Variants in PNPLA7 observed in about 807,000 individuals in gnomAD.
PNPLA7 encodes the protein patatin-like phospholipase domain-containing protein 7.
Under a neutral mutation model 161.7 loss-of-function variants are expected in PNPLA7, and 153 were observed. The ratio of observed to expected loss-of-function variants is 0.95; its 90% confidence interval spans 0.83 to 1.08. PNPLA7 has a LOEUF of 1.08. Ranked by LOEUF, PNPLA7 falls within the 50% of genes least tolerant of loss-of-function variation. The pLI is 0.00. For synonymous variants in PNPLA7, 809 were observed against 782.1 expected (o/e 1.03, Z -0.57); for missense variants, 1,739 against 1,856.6 (o/e 0.94, Z 1.16).
At chr9:137,534,405 G>C (rs984458282) in intron 8 of PNPLA7, among the ~76,000 whole-genome samples, 2 of 146,218 alleles carry the variant, frequency 1.4e-5, no homozygotes, top group African/African-American at 5.1e-5. Context: ...CCCCAACAGT[G>C]TCCACTCCAG....
At chr9:137,461,711 C>A (rs969090115) in intron 32 of PNPLA7, 91 bp from the exon 33 acceptor site, 1 of 1,368,448 alleles carries the variant, frequency 7.3e-7, no homozygotes, top group Admixed American at 2.1e-5. Flanking sequence ...ACCCACCCTG[C>A]GCCCTCTCTG....
At chr9:137,503,380 C>A (rs1178982639) in intron 14 of PNPLA7, among the ~76,000 whole-genome samples, 1 of 146,528 alleles carries the variant, frequency 6.8e-6, no homozygotes, top group African/African-American at 2.5e-5. Context: ...GACACTGTTT[C>A]CAAAAAAGAA....
At chr9:137,525,587 G>T (rs988653554) in intron 8 of PNPLA7, among the ~76,000 whole-genome samples, 1 of 152,066 alleles carries the variant, frequency 6.6e-6, no homozygotes, top group African/African-American at 2.4e-5. Context: ...TGTATTTCTC[G>T]GAGAGATCAA....
chr9:137,501,015 TCAGCTCTGGG>T, intron 15 of PNPLA7, 119 bp from the exon 16 acceptor site: 2 of 825,974 alleles, frequency 2.4e-6, no homozygotes, highest in Non-Finnish European at 3.7e-6. Context: ...GCCGACCTGA[TCAGCTCTGGG>T]CATGGACTTC....
intron 4 of PNPLA7, among the ~76,000 whole-genome samples, 153 bp downstream of exon 4, chr9:137,546,677 C>T (rs1268459584): frequency 2.0e-5 from 3 of 152,214 alleles, no homozygotes; most frequent in South Asian, 2.1e-4. Flanking sequence ...TTCCCCCAAA[C>T]CCTGAGCCTG....
At chr9:137,516,823 T>C (rs1325662799) in intron 11 of PNPLA7, among the ~76,000 whole-genome samples, 1 of 150,196 alleles carries the variant, frequency 6.7e-6, no homozygotes, top group East Asian at 1.9e-4. Flanking sequence ...GTCTCAATAG[T>C]AATAATAATA....
intron 14 of PNPLA7, 103 bp from the exon 15 acceptor site, chr9:137,501,830 C>G: frequency 6.5e-6 from 8 of 1,222,652 alleles, no homozygotes; most frequent in Non-Finnish European, 9.3e-6. Context: ...AGCGGTGAGG[C>G]CAGAGGCCGG....
intron 12 of PNPLA7, among the ~76,000 whole-genome samples, chr9:137,507,824 C>T (rs372856629): frequency 3.3e-5 from 5 of 152,112 alleles, no homozygotes; most frequent in African/African-American, 9.7e-5. Flanking sequence ...GAGGCCAAGC[C>T]GGAAGGATCG....
intron 20 of PNPLA7, among the ~76,000 whole-genome samples, chr9:137,485,539 T>C (rs747206803): frequency 1.3e-5 from 2 of 152,256 alleles, no homozygotes; most frequent in Non-Finnish European, 2.9e-5. Context: ...CCTTATCCTC[T>C]GAACCAATCG....
chr9:137,524,790 G>GGTTTCCGTGGATGCCCCGTGGAATGA lies in PNPLA7; in HGVS notation c.748-1959_748-1934dup, dbSNP rs1835217338. Among the ~76,000 whole-genome samples, 2 of 146,442 alleles carry GGTTTCCGTGGATGCCCCGTGGAATGA rather than the reference G, an allele frequency of 1.4e-5. No individual in the cohort carries two copies. Among genetic ancestry groups the GGTTTCCGTGGATGCCCCGTGGAATGA allele is most frequent in the African/African-American group, 2.6e-5 (1 of 38,682 alleles). On this transcript the variant is annotated intron_variant, in intron 8 of 34. Coordinates refer to ENST00000406427, the MANE Select transcript of PNPLA7 (RefSeq NM_001098537.3). The surrounding 1 kb of genome is among the most constrained non-coding windows in gnomAD (Gnocchi z 4.4). ...GTTTCCGTGGATGCCCCGTGGAATGGGTTTCCGTGGATGCCCCGTGGAATG... is the reference window on the plus strand; with the variant it reads ...GTTTCCGTGGATGCCCCGTGGAATGGGTTTCCGTGGATGCCCCGTGGAATGAGTTTCCGTGGATGCCCCGTGGAATG...
rs535859264 is a variant in PNPLA7, at chr9:137,485,101, G to A, written c.2198-365C>T. On this transcript the variant is annotated intron_variant, in intron 20 of 34. Coordinates refer to ENST00000406427, the MANE Select transcript of PNPLA7 (RefSeq NM_001098537.3). ...AGGCCGGAGGCTGTCTTGGTCTCAC[G>A]CCTTCCCCAGCTCTTCCTGATGAGC... Among the ~76,000 whole-genome samples the A allele has an allele frequency of 3.2e-4, 49 of 152,340 alleles. No homozygotes were observed. In the Middle Eastern group the frequency reaches 0.01, roughly 32 times the overall value.
intron 4 of PNPLA7, among the ~76,000 whole-genome samples, chr9:137,545,078 G>C (rs1237124265): frequency 1.3e-5 from 2 of 152,110 alleles, no homozygotes; most frequent in Non-Finnish European, 2.9e-5. Context: ...GCACCTCCTG[G>C]GCCCTTCAGG....
intron 28 of PNPLA7, 121 bp from the exon 29 acceptor site, chr9:137,463,652 C>T: frequency 1.5e-6 from 1 of 688,880 alleles, no homozygotes; most frequent in South Asian, 1.8e-5. Context: ...GCCGCCTCCA[C>T]AGAGGGAAGC....
At chr9:137,503,648 G>GAGGAAGAAGGAGAAGGGGA (rs1459668718) in intron 14 of PNPLA7, among the ~76,000 whole-genome samples, 4 of 141,188 alleles carry the variant, frequency 2.8e-5, no homozygotes, top group Non-Finnish European at 4.6e-5. Context: ...GGAGAAGGGG[G>GAGGAAGAAGGAGAAGGGGA]AGGAAGAAGG....
intron 14 of PNPLA7, among the ~76,000 whole-genome samples, chr9:137,504,204 G>T (rs1403108644): frequency 6.9e-6 from 1 of 144,460 alleles, no homozygotes; most frequent in Non-Finnish European, 1.5e-5. Context: ...AGAGGAAGAA[G>T]AAGAGAGATT....
rs1341284022 is a variant in PNPLA7, at chr9:137,498,188, C to A, written c.1815G>T (p.Arg605Ser). Residue 605 changes from arginine to serine, a missense_variant, in exon 17 of 35, where the codon AGG becomes AGT. By Grantham distance (110) the Arg-to-Ser change is moderately radical (BLOSUM62 -1). Transcript: ENST00000406427. ...CGATTTGCCGCACGAAGGACGACATCCTCTTCACCACAGTGTGCGCCACAC... is the reference window on the plus strand; with the variant it reads ...CGATTTGCCGCACGAAGGACGACATACTCTTCACCACAGTGTGCGCCACAC... ...VLGVAHTVVK[R>S]MSSFVRQIDF... 6.2e-7 allele frequency: 1 copy of A among 1,612,894 alleles called. No individual in the cohort carries two copies. Among genetic ancestry groups the A allele is most frequent in the South Asian group, 1.1e-5 (1 of 91,086 alleles).
intron 14 of PNPLA7, among the ~76,000 whole-genome samples, chr9:137,503,801 G>GGAA (rs1833684089): frequency 4.3e-4 from 1 of 2,304 alleles, no homozygotes; most frequent in Admixed American, 4.3e-3. Flanking sequence ...TGAAGAAGAA[G>GGAA]GAAGAAGGAA....
chr9:137,538,810 G>A lies in PNPLA7; in HGVS notation c.747+1832C>T, dbSNP rs150630782. Among the ~76,000 whole-genome samples, 8 of 152,332 alleles carry A rather than the reference G, an allele frequency of 5.3e-5. No individual in the cohort carries two copies. The East Asian group carries it at 1.5e-3, about 29-fold the overall frequency. On this transcript the variant is annotated intron_variant, in intron 8 of 34. Transcript: ENST00000406427. The stretch of plus-strand genomic sequence containing the variant: ...CTCAGGCCTGTAATCCCAGCATTTT[G>A]GGAGGCTGAGGTAGGTGGCTCACTT...
At chr9:137,473,798 T>TACCAACCCC (rs1554758923) in intron 25 of PNPLA7, among the ~76,000 whole-genome samples, 1 of 152,134 alleles carries the variant, frequency 6.6e-6, no homozygotes, top group African/African-American at 2.4e-5. Flanking sequence ...ATACTGCCAT[T>TACCAACCCC]ACCAAGGGTC....
Sources: allele counts gnomAD v4.1 joint callset (sites outside exome capture counted in the v4.1 genomes callset), GRCh38; gene constraint gnomAD v4.1.1; non-coding constraint Gnocchi (gnomAD v3.1); transcripts MANE v1.5; gene names NCBI Gene and HGNC (gene_info 2026-07-23, HGNC 2026-07-21).